RNF150: variants seen among roughly 807,000 people sequenced by gnomAD.
RNF150 encodes ring finger protein 150.
RNF150 carries 24 observed loss-of-function variants against 39.3 expected under a neutral mutation model. The observed-to-expected ratio is 0.61, with a 90% CI of 0.44 to 0.86. RNF150 has a LOEUF of 0.86. Among genes scored for constraint, RNF150 ranks in the 40% least tolerant of loss-of-function variants. The probability of loss-of-function intolerance (pLI) is 0.00; values close to 1 mark genes in which losing one functional copy is unlikely to be tolerated. For synonymous variants in RNF150, 255 were observed against 227.3 expected (o/e 1.12, Z -1.10); for missense variants, 502 against 587.8 (o/e 0.85, Z 1.51).
At chr4:141,044,167 G>A (rs1322539528) in intron 1 of RNF150, among the ~76,000 whole-genome samples, 1 of 152,140 alleles carries the variant, frequency 6.6e-6, no homozygotes, top group Non-Finnish European at 1.5e-5. Flanking sequence ...CATTAGAGAG[G>A]ATGCCTTCTG....
At chr4:140,934,309 T>C (rs1431142874) in intron 4 of RNF150, among the ~76,000 whole-genome samples, 3 of 152,140 alleles carry the variant, frequency 2.0e-5, no homozygotes, top group Non-Finnish European at 4.4e-5. Flanking sequence ...GTGCCCAGCC[T>C]AAAAACATCA....
At chr4:140,904,201 C>T (rs539973793) in intron 6 of RNF150, among the ~76,000 whole-genome samples, 52 of 152,188 alleles carry the variant, frequency 3.4e-4, no homozygotes, top group African/African-American at 1.2e-3. Context: ...GCTCTAGGGA[C>T]CTGGCACGTT....
At chr4:141,211,385 C>A (rs1728461675) in intron 1 of RNF150, among the ~76,000 whole-genome samples, 1 of 152,082 alleles carries the variant, frequency 6.6e-6, no homozygotes, top group South Asian at 2.1e-4. Flanking sequence ...ATAATTTGAT[C>A]TCATTCTAAG....
At position 141,132,221 on chromosome 4, in the gene RNF150, C is replaced by A; in HGVS notation, c.484+104G>T. ...CCAGGGAACCCAGACACGTCTTCCG[C>A]GCCGCACGGACTTCCCAGAAGGAGC... On this transcript the variant is annotated intron_variant, in intron 1 of 6. Coordinates refer to ENST00000515673, the MANE Select transcript of RNF150 (RefSeq NM_020724.2). This position sits in a 1 kb window ranked among gnomAD's most constrained non-coding sequence, Gnocchi z 4.9. The A allele has an allele frequency of 8.1e-7, 1 of 1,234,192 alleles. No homozygotes were observed. The highest frequency in any genetic ancestry group is 1.1e-6 in the Non-Finnish European group (1 of 886,668). The allele number at this position is 1,234,192 out of a possible 1,614,324, so 76.5% of individuals were successfully genotyped here.
chr4:141,059,694 G>C (rs1737136123), intron 1 of RNF150, among the ~76,000 whole-genome samples: 1 of 151,998 alleles, frequency 6.6e-6, no homozygotes, highest in Admixed American at 6.6e-5. Flanking sequence ...CAATTTACCT[G>C]AAAATGTATG....
At chr4:141,105,839 C>T (rs935064539) in intron 1 of RNF150, among the ~76,000 whole-genome samples, 5 of 152,098 alleles carry the variant, frequency 3.3e-5, no homozygotes, top group African/African-American at 1.2e-4. Flanking sequence ...TCCATAAAAC[C>T]AATGTTTCCT....
At chr4:141,172,139 G>A (rs1727739633) in intron 1 of RNF150, among the ~76,000 whole-genome samples, 1 of 152,118 alleles carries the variant, frequency 6.6e-6, no homozygotes, top group South Asian at 2.1e-4. Flanking sequence ...TGGTTAGCTG[G>A]TGCTTCTCTG....
chr4:140,999,765 T>C (rs1734506117), intron 1 of RNF150, among the ~76,000 whole-genome samples: 1 of 151,638 alleles, frequency 6.6e-6, no homozygotes, highest in African/African-American at 2.4e-5. Context: ...TGAAACCCCA[T>C]CTCTACTAAA....
chr4:140,870,285 C>T (rs1728877238), intron 6 of RNF150, among the ~76,000 whole-genome samples: 1 of 152,162 alleles, frequency 6.6e-6, no homozygotes, highest in Admixed American at 6.5e-5. Flanking sequence ...ACCCTGGAAG[C>T]AGCTCTATAA....
chr4:140,924,838 A>G lies in RNF150; in HGVS notation c.987+1139T>C, dbSNP rs529539387. ...AAGTTGATGTGTGTTCAGAGTATCA[A>G]CCATGCAAATCATACAGCAGGCATG... On this transcript the variant is annotated intron_variant, in intron 5 of 6. Coordinates refer to ENST00000515673, the MANE Select transcript of RNF150 (RefSeq NM_020724.2). Among the ~76,000 whole-genome samples the G allele has an allele frequency of 2.3e-4, 35 of 152,336 alleles. 1 individual carries two copies. The South Asian group carries it at 7.0e-3, about 31-fold the overall frequency.
intron 1 of RNF150, among the ~76,000 whole-genome samples, chr4:141,078,860 CAT>C (rs1271855699): frequency 9.7e-4 from 132 of 136,608 alleles, no homozygotes; most frequent in African/African-American, 3.2e-3. Flanking sequence ...TACATACATA[CAT>C]ATATATATAC....
At chr4:141,162,890 A>G (rs1294850840) in intron 1 of RNF150, among the ~76,000 whole-genome samples, 1 of 152,190 alleles carries the variant, frequency 6.6e-6, no homozygotes, top group African/African-American at 2.4e-5. Flanking sequence ...ATTTGGGCAG[A>G]CACTGAGCTA....
intron 1 of RNF150, among the ~76,000 whole-genome samples, chr4:141,174,178 T>C (rs1049611966): frequency 1.3e-5 from 2 of 152,224 alleles, no homozygotes; most frequent in Admixed American, 6.5e-5. Flanking sequence ...ACCACTTGAC[T>C]AAAGGCTGGG....
At chr4:140,899,451 G>A (rs1471434434) in intron 6 of RNF150, among the ~76,000 whole-genome samples, 1 of 152,212 alleles carries the variant, frequency 6.6e-6, no homozygotes, top group East Asian at 1.9e-4. Flanking sequence ...CCTCTGCCTA[G>A]AATAATCCTG....
chr4:140,916,510 T>C (rs1277757058), intron 5 of RNF150, among the ~76,000 whole-genome samples: 1 of 151,986 alleles, frequency 6.6e-6, no homozygotes, highest in Non-Finnish European at 1.5e-5. Context: ...TAAAAAGAAA[T>C]GAACAAAGCC....
intron 1 of RNF150, among the ~76,000 whole-genome samples, chr4:141,019,727 A>G (rs1187323466): frequency 1.3e-5 from 2 of 152,154 alleles, no homozygotes. Context: ...ATGCTAACCA[A>G]TTCAAATGGT....
intron 1 of RNF150, among the ~76,000 whole-genome samples, chr4:141,148,039 ATATAT>A (rs1373153276): frequency 2.0e-5 from 3 of 152,180 alleles, no homozygotes; most frequent in South Asian, 2.1e-4. Context: ...TAATTTTAGG[ATATAT>A]TATAATAATT....
intron 1 of RNF150, among the ~76,000 whole-genome samples, chr4:141,162,600 G>C (rs1461478697): frequency 6.6e-6 from 1 of 152,006 alleles, no homozygotes; most frequent in African/African-American, 2.4e-5. Context: ...TTCCAACTGA[G>C]GTACAAGGCT....
At chr4:140,880,570 GAGA>G (rs1426730202) in intron 6 of RNF150, among the ~76,000 whole-genome samples, 2 of 150,158 alleles carry the variant, frequency 1.3e-5, no homozygotes, top group East Asian at 3.9e-4. Flanking sequence ...GGAAGAGTTT[GAGA>G]AGAACTGTCA....
Sources: gnomAD v4.1 joint callset for allele counts (sites outside exome capture counted in the v4.1 genomes callset) on GRCh38, gnomAD v4.1.1 for gene constraint, Gnocchi (gnomAD v3.1) non-coding constraint, MANE v1.5 for transcripts, NCBI Gene and HGNC (gene_info 2026-07-23, HGNC 2026-07-21) for gene names.